Variants in SPARCL1 observed in about 807,000 individuals in gnomAD.
The protein encoded by SPARCL1 is SPARC like 1.
In SPARCL1, 52 loss-of-function variants were observed where a neutral mutation model predicts 67.1. That is an observed-to-expected ratio of 0.78 (90% CI 0.62 to 0.98). The LOEUF is 0.98. Among genes scored for constraint, SPARCL1 ranks in the 50% least tolerant of loss-of-function variants. The probability of loss-of-function intolerance (pLI) is 0.00; values close to 1 mark genes in which losing one functional copy is unlikely to be tolerated. For synonymous variants in SPARCL1, 226 were observed against 267.8 expected, an observed-to-expected ratio of 0.84 and a Z score of 1.52; for missense variants, 717 against 782.4, an observed-to-expected ratio of 0.92 and a Z score of 1.00.
chr4:87,500,585 C>G (rs960469961), intron 1 of SPARCL1, among the ~76,000 whole-genome samples: 6 of 152,012 alleles, frequency 3.9e-5, no homozygotes, highest in African/African-American at 1.2e-4. Flanking sequence ...CTAGATGACT[C>G]CTTTAAATTA....
chr4:87,491,703 A>C lies in SPARCL1; in HGVS notation c.1219-13T>G. 6.3e-7 allele frequency: 1 copy of C among 1,596,930 alleles called. No homozygotes were observed. Among genetic ancestry groups the C allele is most frequent in the South Asian group, 1.1e-5 (1 of 90,808 alleles). On this transcript the variant is annotated splice_polypyrimidine_tract_variant and intron_variant, in intron 4 of 10. Coordinates refer to ENST00000282470, the MANE Select transcript of SPARCL1 (RefSeq NM_004684.6). ...CTGCTTTCTTGGCCTTTAGAATAAC[A>C]AGAGCAAAAGTTAAAATCTACTAAG...
chr4:87,502,220 A>G (rs887161573), intron 1 of SPARCL1, among the ~76,000 whole-genome samples: 1 of 152,214 alleles, frequency 6.6e-6, no homozygotes, highest in Non-Finnish European at 1.5e-5. Context: ...ATGCTTCACT[A>G]CATATAATGT....
At chr4:87,505,640 CA>C (rs1466974724) in intron 1 of SPARCL1, among the ~76,000 whole-genome samples, 1 of 151,856 alleles carries the variant, frequency 6.6e-6, no homozygotes, top group Non-Finnish European at 1.5e-5. Flanking sequence ...CTGCAGCCTC[CA>C]GTTCCTGGGC....
Position 87,494,548 on chromosome 4 carries a change from T to A in SPARCL1, c.252A>T (p.Ser84=). 1 of 1,613,972 alleles carries A rather than the reference T, an allele frequency of 6.2e-7. No homozygotes were observed. Among genetic ancestry groups the A allele is most frequent in the Non-Finnish European group, 8.5e-7 (1 of 1,179,974 alleles). The change falls in exon 4 of 11, where the codon TCA becomes TCT. Residue 84 remains serine, a synonymous_variant. Transcript: ENST00000282470. The stretch of plus-strand genomic sequence containing the variant: ...GGCTAGAACTCTTGCCCTGTTCTGC[T>A]GACTGTTCATGGCTTTCCTCTTTTG... The part of the protein sequence containing the change: ...LKSKEESHEQ[S]AEQGKSSSQE...
intron 4 of SPARCL1, 97 bp downstream of exon 4, chr4:87,493,481 TAGAC>T (rs552464907): frequency 3.9e-5 from 39 of 992,698 alleles, no homozygotes; most frequent in Non-Finnish European, 5.6e-5. Flanking sequence ...AATGTACTAG[TAGAC>T]ATCCATACAG....
At chr4:87,523,484 T>A (rs1725909196) in intron 1 of SPARCL1, among the ~76,000 whole-genome samples, 1 of 152,188 alleles carries the variant, frequency 6.6e-6, no homozygotes, top group African/African-American at 2.4e-5. Flanking sequence ...AAAAACAATC[T>A]AGTCAGTAAT....
rs758149442 is a variant in SPARCL1 at position 87,493,581 on chromosome 4, C to T, written c.1218+1G>A. The stretch of plus-strand genomic sequence containing the variant: ...ACAAGGACCATTTAAAATAATTTTA[C>T]CTCTTGGTGCTCTCCAGGCTCAGTG... On this transcript the variant is annotated splice_donor_variant, in intron 4 of 10. Transcript: ENST00000282470. LOFTEE classifies it high-confidence loss of function. The T allele has an allele frequency of 6.9e-6, 11 of 1,595,078 alleles. No individual in the cohort carries two copies. The South Asian group carries it at 1.1e-4, about 16-fold the overall frequency.
chr4:87,508,165 G>T (rs926464077), intron 1 of SPARCL1, among the ~76,000 whole-genome samples: 1 of 152,072 alleles, frequency 6.6e-6, no homozygotes, highest in Non-Finnish European at 1.5e-5. Flanking sequence ...GTACTCAAAG[G>T]CTGAGTGGGG....
At chr4:87,482,645 C>G in intron 7 of SPARCL1, 85 bp from the exon 8 acceptor site, 1 of 1,469,016 alleles carries the variant, frequency 6.8e-7, no homozygotes, top group Non-Finnish European at 9.4e-7. Context: ...TTAACGACTT[C>G]TGGCAACTGA....
chr4:87,523,993 T>A (rs944623126), intron 1 of SPARCL1, among the ~76,000 whole-genome samples: 1 of 152,186 alleles, frequency 6.6e-6, no homozygotes, highest in Non-Finnish European at 1.5e-5. Context: ...CCCTCTCTAG[T>A]TTTGCTCCTT....
chr4:87,523,287 C>A (rs1306644975), intron 1 of SPARCL1, among the ~76,000 whole-genome samples: 1 of 151,468 alleles, frequency 6.6e-6, no homozygotes, highest in East Asian at 1.9e-4. Context: ...TCAAGCAATG[C>A]TTATTTTTAT....
At chr4:87,508,907 A>G (rs1725231458) in intron 1 of SPARCL1, among the ~76,000 whole-genome samples, 1 of 140,736 alleles carries the variant, frequency 7.1e-6, no homozygotes, top group African/African-American at 2.6e-5. Context: ...ATATATATAT[A>G]GTATACATAT....
chr4:87,490,900 G>C, intron 5 of SPARCL1, 22 bp from the exon 6 acceptor site: 1 of 1,373,726 alleles, frequency 7.3e-7, no homozygotes, highest in Non-Finnish European at 1.0e-6. Flanking sequence ...GATTGGGCAG[G>C]AAGCATGGAC....
rs867433069 is a variant in SPARCL1 at position 87,479,671 on chromosome 4, G to A, written c.1818-93C>T. ...ACCAAGGACATTTTTCTCCCATAAG[G>A]TTGCTGTATATGTGATATAAATAGA... On this transcript the variant is annotated intron_variant, in intron 9 of 10. Transcript: ENST00000282470. The A allele has an allele frequency of 6.4e-6, 8 of 1,241,376 alleles. No homozygotes were observed. In the African/African-American group the frequency reaches 7.5e-5, roughly 12 times the overall value. The allele number at this position is 1,241,376 out of a possible 1,614,324, so 76.9% of individuals were successfully genotyped here.
intron 8 of SPARCL1, among the ~76,000 whole-genome samples, chr4:87,481,695 CATACTT>C (rs1723828528): frequency 6.6e-6 from 1 of 152,216 alleles, no homozygotes; most frequent in African/African-American, 2.4e-5. Context: ...TCCCAACTGA[CATACTT>C]ATACATATAT....
intron 10 of SPARCL1, among the ~76,000 whole-genome samples, chr4:87,474,128 C>A (rs1723464525): frequency 6.6e-6 from 1 of 152,008 alleles, no homozygotes; most frequent in African/African-American, 2.4e-5. Context: ...CAAGAAGTGC[C>A]CAGTATACTA....
chr4:87,506,766 ATCTCTATCTATCTATCATC>A (rs1244511760), intron 1 of SPARCL1, among the ~76,000 whole-genome samples: 10,765 of 116,874 alleles, frequency 0.092, 419 homozygotes, highest in East Asian at 0.21. Flanking sequence ...CATTATCTAT[ATCTCTATCTATCTATCATC>A]TATCTATCTA....
chr4:87,510,372 A>G (rs1428240639), intron 1 of SPARCL1, among the ~76,000 whole-genome samples: 1 of 152,090 alleles, frequency 6.6e-6, no homozygotes, highest in Non-Finnish European at 1.5e-5. Context: ...CAAAGTGAGA[A>G]CTTCCATTCT....
intron 7 of SPARCL1, among the ~76,000 whole-genome samples, chr4:87,489,742 C>G (rs1724234169): frequency 6.6e-6 from 1 of 152,190 alleles, no homozygotes. Context: ...CATGTTTCAT[C>G]CTCTCCTGTG....
Sources: gnomAD v4.1 joint callset for allele counts (sites outside exome capture counted in the v4.1 genomes callset) on GRCh38, gnomAD v4.1.1 for gene constraint, MANE v1.5 for transcripts, NCBI Gene and HGNC (gene_info 2026-07-23, HGNC 2026-07-21) for gene names.